Variants in NFATC1 observed in about 807,000 individuals in gnomAD.
The protein encoded by NFATC1 is nuclear factor of activated T cells 1, also known as nuclear factor of activated T-cells, cytoplasmic 1.
A neutral mutation model predicts 76.0 loss-of-function variants in NFATC1; 22 were observed. That is an observed-to-expected ratio of 0.29 (90% confidence interval 0.21 to 0.41). The LOEUF is 0.41. NFATC1 is among the 10% of genes least tolerant of loss of function. The pLI is 1.00. For synonymous variants in NFATC1, 704 were observed against 613.1 expected, an observed-to-expected ratio of 1.15 and a Z score of -2.19; for missense variants, 1,357 against 1,337.7, an observed-to-expected ratio of 1.01 and a Z score of -0.23.
At chr18:79,499,274 A>C (rs1432564187) in intron 9 of NFATC1, among the ~76,000 whole-genome samples, 1 of 152,248 alleles carries the variant, frequency 6.6e-6, no homozygotes, top group Non-Finnish European at 1.5e-5. Flanking sequence ...TATTCATCTG[A>C]AATAGACTGT....
chr18:79,451,705 G>C lies in NFATC1; in HGVS notation c.1792G>C (p.Val598Leu). The change falls in exon 6 of 10, where the codon GTG (valine) becomes CTG (leucine). Residue 598 changes from valine (V) to leucine (L), a missense_variant. Coordinates refer to ENST00000427363, the MANE Select transcript of NFATC1 (RefSeq NM_001278669.2). ...GCGCTCAGCTCAGGAGCTGCCTCTG[G>C]TGGAGAAGCAGAGCACGGACAGCTA... The part of the protein sequence containing the change: ...SQRSAQELPL[V>L]EKQSTDSYPV... The C allele has an allele frequency of 1.2e-6, 2 of 1,612,304 alleles. No individual in the cohort carries two copies. The highest frequency in any genetic ancestry group is 1.7e-6 in the Non-Finnish European group (2 of 1,179,350).
At chr18:79,415,166 T>G (rs1007369305) in intron 2 of NFATC1, among the ~76,000 whole-genome samples, 4 of 152,224 alleles carry the variant, frequency 2.6e-5, no homozygotes, top group African/African-American at 9.6e-5. Flanking sequence ...CCAGACAGTC[T>G]CTGGAGTTGC....
intron 9 of NFATC1, 32 bp from the exon 10 acceptor site, chr18:79,527,496 C>G (rs750143293): frequency 2.5e-6 from 4 of 1,587,876 alleles, no homozygotes; most frequent in South Asian, 2.2e-5. Flanking sequence ...TGGTATTTCT[C>G]TAATACTTTC....
intron 2 of NFATC1, among the ~76,000 whole-genome samples, chr18:79,418,300 G>A (rs2085948889): frequency 6.6e-6 from 1 of 152,172 alleles, no homozygotes; most frequent in East Asian, 1.9e-4. Flanking sequence ...GACTGTGGAC[G>A]CAGCTGAGGC....
intron 2 of NFATC1, among the ~76,000 whole-genome samples, chr18:79,429,101 C>T (rs1275565405): frequency 1.3e-5 from 2 of 151,850 alleles, no homozygotes; most frequent in South Asian, 2.1e-4. Context: ...GGCACCTGTA[C>T]TCCCAGCTAC....
intron 2 of NFATC1, chr18:79,421,191 G>A (rs546139398): frequency 2.0e-5 from 3 of 152,414 alleles, no homozygotes; most frequent in Admixed American, 6.5e-5. Flanking sequence ...TCAGTATTGT[G>A]CCTTTGTCCC....
chr18:79,420,667 A>G (rs1011195661), intron 2 of NFATC1, among the ~76,000 whole-genome samples: 12 of 149,930 alleles, frequency 8.0e-5, no homozygotes, highest in Admixed American at 2.0e-4. Context: ...AGAGAGGAAG[A>G]GGGGGTCGCA....
At chr18:79,495,716 G>A (rs1394685853) in intron 9 of NFATC1, among the ~76,000 whole-genome samples, 2 of 152,400 alleles carry the variant, frequency 1.3e-5, no homozygotes, top group Admixed American at 6.5e-5. Context: ...GGGCGTGTGT[G>A]CGATGCCTTT....
intron 7 of NFATC1, among the ~76,000 whole-genome samples, chr18:79,464,952 A>C (rs1422006328): frequency 1.3e-5 from 2 of 151,490 alleles, no homozygotes; most frequent in Admixed American, 1.3e-4. Context: ...CAATCCTCCC[A>C]CCTGGGCCTC....
chr18:79,503,693 C>T (rs1220284866), intron 9 of NFATC1, among the ~76,000 whole-genome samples: 7 of 152,184 alleles, frequency 4.6e-5, no homozygotes. Context: ...TCAGCCTGTC[C>T]TTGGAAGCTT....
chr18:79,457,033 T>A (rs1214469365), intron 6 of NFATC1, among the ~76,000 whole-genome samples: 1 of 152,226 alleles, frequency 6.6e-6, no homozygotes, highest in Non-Finnish European at 1.5e-5. Flanking sequence ...CTTTCAGATT[T>A]GTGTTTTCAG....
At chr18:79,447,642 G>A (rs763905287) in intron 3 of NFATC1, among the ~76,000 whole-genome samples, 7 of 152,212 alleles carry the variant, frequency 4.6e-5, no homozygotes, top group African/African-American at 1.2e-4. Flanking sequence ...CACTCTGAAC[G>A]AGGGGCCCTG....
At chr18:79,443,983 C>G (rs568874561) in intron 3 of NFATC1, among the ~76,000 whole-genome samples, 10 of 152,202 alleles carry the variant, frequency 6.6e-5, no homozygotes, top group Non-Finnish European at 1.3e-4. Context: ...CCTGCTCCTG[C>G]AAGGCCGAGA....
chr18:79,419,495 C>A (rs56154933), intron 2 of NFATC1, among the ~76,000 whole-genome samples: 8,514 of 146,038 alleles, frequency 0.058, 531 homozygotes, highest in East Asian at 0.18. Flanking sequence ...CTAGGAGGGC[C>A]GGCACCTGCC....
intron 9 of NFATC1, among the ~76,000 whole-genome samples, chr18:79,492,971 T>G (rs1275425824): frequency 6.6e-6 from 1 of 150,544 alleles, no homozygotes; most frequent in Non-Finnish European, 1.5e-5. Flanking sequence ...AAGTTTTGTT[T>G]CAGAAGTGCT....
intron 8 of NFATC1, among the ~76,000 whole-genome samples, chr18:79,485,264 C>T (rs1334354201): frequency 1.3e-5 from 2 of 152,214 alleles, no homozygotes; most frequent in Non-Finnish European, 2.9e-5. Context: ...TTGCTGTCTG[C>T]GTAGCATTCG....
At chr18:79,520,940 T>G (rs1238667495) in intron 9 of NFATC1, among the ~76,000 whole-genome samples, 1 of 93,496 alleles carries the variant, frequency 1.1e-5, no homozygotes, top group African/African-American at 4.3e-5. Context: ...GGAGGGAGCA[T>G]CCACTGATGT....
intron 9 of NFATC1, among the ~76,000 whole-genome samples, chr18:79,505,759 A>T (rs1378140935): frequency 8.6e-6 from 1 of 116,732 alleles, no homozygotes; most frequent in African/African-American, 3.7e-5. Context: ...GAGGTGGTGG[A>T]TGAGACCCTT....
chr18:79,476,888 T>C (rs1449930776), intron 8 of NFATC1, among the ~76,000 whole-genome samples: 1 of 152,210 alleles, frequency 6.6e-6, no homozygotes, highest in East Asian at 1.9e-4. Context: ...AGATCATGCC[T>C]TCCTGGAAAC....
Sources: gnomAD v4.1 joint callset for allele counts (sites outside exome capture counted in the v4.1 genomes callset) on GRCh38, gnomAD v4.1.1 for gene constraint, MANE v1.5 for transcripts, NCBI Gene and HGNC (gene_info 2026-07-23, HGNC 2026-07-21) for gene names.